The following IPO5 variants were observed in gnomAD, a reference collection of about 807,000 sequenced individuals.
IPO5 encodes the protein importin 5, also known as importin-5.
IPO5 carries 18 observed loss-of-function variants against 143.3 expected under a neutral mutation model. That is an observed-to-expected ratio of 0.13 (90% confidence interval 0.09 to 0.19). IPO5 has a LOEUF of 0.19. IPO5 is among the 10% of genes least tolerant of loss of function. IPO5 has a pLI of 1.00. For synonymous variants in IPO5, 477 were observed against 465.7 expected, an observed-to-expected ratio of 1.02 and a Z score of -0.31; for missense variants, 1,013 against 1,336.9, an observed-to-expected ratio of 0.76 and a Z score of 3.78.
At chr13:97,969,870 G>GC in intron 3 of IPO5, 40 bp downstream of exon 3, 2 of 1,525,006 alleles carry the variant, frequency 1.3e-6, no homozygotes, top group South Asian at 1.2e-5. Context: ...TTCCTGTTTT[G>GC]TTTTTTTTAA....
chr13:97,959,264 G>A (rs1884685883), intron 2 of IPO5, among the ~76,000 whole-genome samples: 1 of 152,018 alleles, frequency 6.6e-6, no homozygotes, highest in Admixed American at 6.6e-5. Context: ...GGGTGCCCTG[G>A]GTGATCTGGC....
chr13:98,012,195 T>C, intron 20 of IPO5, 51 bp from the exon 21 acceptor site: 3 of 1,073,620 alleles, frequency 2.8e-6, no homozygotes, highest in Non-Finnish European at 4.4e-6. Flanking sequence ...TTAATATTAA[T>C]GCTTGAAGAC....
At chr13:98,017,459 C>T (rs1207161219) in intron 25 of IPO5, among the ~76,000 whole-genome samples, 1 of 151,904 alleles carries the variant, frequency 6.6e-6, no homozygotes, top group African/African-American at 2.4e-5. Flanking sequence ...GCCACCACAC[C>T]CGACGAATTT....
rs139911553 is a variant in IPO5 at position 98,011,381 on chromosome 13, C to T, written c.2056-865C>T. ...TCTCAGCTCACTGCAGCCTCCGTCT[C>T]CTGGGTTCAAGTGATTCTCCTGCCT... is the stretch of plus-strand genomic sequence containing the variant. On this transcript the variant is annotated intron_variant, in intron 20 of 28. Coordinates refer to ENST00000651721, the MANE Select transcript of IPO5 (RefSeq NM_002271.6). Among the ~76,000 whole-genome samples, 86 of 152,258 alleles carry T rather than the reference C, an allele frequency of 5.6e-4. 2 individuals carry two copies. The highest frequency in any genetic ancestry group is 2.1e-3 in the African/African-American group (86 of 41,542).
At chr13:97,970,562 A>T (rs1046656523) in intron 3 of IPO5, among the ~76,000 whole-genome samples, 1 of 152,160 alleles carries the variant, frequency 6.6e-6, no homozygotes, top group Admixed American at 6.5e-5. Context: ...CAGAGGTTGC[A>T]GTGAGCTGAA....
intron 9 of IPO5, among the ~76,000 whole-genome samples, chr13:97,992,112 G>A (rs35039403): frequency 1.2e-3 from 189 of 152,286 alleles, no homozygotes; most frequent in Non-Finnish European, 2.0e-3. Context: ...AGATAGTTTC[G>A]TGACAGAACA....
chr13:97,955,761 G>T (rs1282474647), intron 2 of IPO5, among the ~76,000 whole-genome samples: 1 of 152,122 alleles, frequency 6.6e-6, no homozygotes, highest in African/African-American at 2.4e-5. Flanking sequence ...GGGGGAAGCT[G>T]CAACTACAGT....
At chr13:97,974,711 A>C (rs1428480990) in intron 3 of IPO5, among the ~76,000 whole-genome samples, 3 of 151,718 alleles carry the variant, frequency 2.0e-5, no homozygotes, top group East Asian at 1.9e-4. Context: ...AAAATCAAAC[A>C]AAAAAAAGCT....
intron 2 of IPO5, among the ~76,000 whole-genome samples, chr13:97,963,879 G>C (rs1475958177): frequency 6.6e-6 from 1 of 152,004 alleles, no homozygotes; most frequent in Non-Finnish European, 1.5e-5. Context: ...ACTTTTTAAT[G>C]ATCACCATTC....
At position 97,969,173 on chromosome 13, in the gene IPO5, A is replaced by ATTTTT. The variant is rs1363779886; in HGVS notation, c.-112-549_-112-548insTTTTT. ...GCTAAGTATATATATATATATATAT[A>ATTTTT]TATTTTTTTTTTTTTTTTTTTTTTT... On this transcript the variant is annotated intron_variant, in intron 2 of 28. Transcript: ENST00000651721. 1.0e-3 allele frequency among the ~76,000 whole-genome samples: 73 copies of ATTTTT among 70,118 alleles called. 1 individual carries two copies. Among genetic ancestry groups the ATTTTT allele is most frequent in the East Asian group, 3.3e-3 (6 of 1,800 alleles). The allele number at this position is 70,118 out of a possible 152,430, so 46.0% of individuals were successfully genotyped here.
At chr13:97,959,919 C>T (rs776772348) in intron 2 of IPO5, among the ~76,000 whole-genome samples, 5 of 152,136 alleles carry the variant, frequency 3.3e-5, no homozygotes, top group African/African-American at 4.8e-5. Context: ...GCATGCTCAC[C>T]GTGGAATCCC....
intron 3 of IPO5, among the ~76,000 whole-genome samples, chr13:97,970,215 A>G (rs572629185): frequency 6.6e-5 from 10 of 152,242 alleles, no homozygotes; most frequent in Non-Finnish European, 1.5e-4. Context: ...ATCAATAAAT[A>G]TAACTATTTT....
intron 5 of IPO5, among the ~76,000 whole-genome samples, chr13:97,984,010 G>A (rs1302452235): frequency 2.0e-5 from 2 of 102,354 alleles, no homozygotes; most frequent in Non-Finnish European, 3.5e-5. Flanking sequence ...ACGGAGTCTC[G>A]CTCTGTCGCC....
chr13:98,019,910 G>A lies in IPO5; in HGVS notation c.3065+101G>A, dbSNP rs540040941. The A allele has an allele frequency of 6.8e-6, 5 of 732,180 alleles. No homozygotes were observed. The East Asian group carries it at 1.3e-4, about 19-fold the overall frequency. The allele number at this position is 732,180 out of a possible 1,614,324, so 45.4% of individuals were successfully genotyped here. ...TTTAAGGTTTAACCACATGATCTCT[G>A]CACAGTCCTCAGTTGTATAGGTTTA... On this transcript the variant is annotated intron_variant, in intron 27 of 28. Coordinates refer to ENST00000651721, the MANE Select transcript of IPO5 (RefSeq NM_002271.6).
At chr13:97,980,560 T>C (rs1886753611) in intron 4 of IPO5, among the ~76,000 whole-genome samples, 1 of 152,154 alleles carries the variant, frequency 6.6e-6, no homozygotes, top group Non-Finnish European at 1.5e-5. Context: ...CTGGGCGCGG[T>C]GGCTCATGAC....
At chr13:98,002,059 A>G (rs1272494105) in intron 13 of IPO5, 1 of 153,616 alleles carries the variant, frequency 6.5e-6, no homozygotes, top group Non-Finnish European at 1.4e-5. Flanking sequence ...TTTCGCCCAG[A>G]CCAGAGTGCA....
intron 16 of IPO5, 90 bp downstream of exon 16, chr13:98,003,127 G>C (rs1286689355): frequency 1.0e-6 from 1 of 955,434 alleles, no homozygotes; most frequent in East Asian, 2.4e-5. Context: ...GGGACTTGCA[G>C]CATGACCATA....
chr13:98,011,989 T>G (rs1288311101), intron 20 of IPO5, among the ~76,000 whole-genome samples: 1 of 152,196 alleles, frequency 6.6e-6, no homozygotes, highest in African/African-American at 2.4e-5. Flanking sequence ...ATTCCAGCCT[T>G]TGAAGGGACA....
chr13:98,019,245 C>T (rs375207637), intron 26 of IPO5, among the ~76,000 whole-genome samples: 9 of 152,300 alleles, frequency 5.9e-5, no homozygotes, highest in East Asian at 3.9e-4. Flanking sequence ...AGCCACCACA[C>T]CTGGCAGAAT....
Sources: gnomAD v4.1 joint callset for allele counts (sites outside exome capture counted in the v4.1 genomes callset) on GRCh38, gnomAD v4.1.1 for gene constraint, MANE v1.5 for transcripts, NCBI Gene and HGNC (gene_info 2026-07-23, HGNC 2026-07-21) for gene names.